KDM4B: variants seen among roughly 807,000 people sequenced by gnomAD.
The protein encoded by KDM4B is lysine demethylase 4B.
Under a neutral mutation model 125.2 loss-of-function variants are expected in KDM4B, and 32 were observed. The observed-to-expected ratio is 0.26, with a 90% confidence interval of 0.19 to 0.34. The LOEUF is 0.34. Ranked by LOEUF, KDM4B falls within the 10% of genes least tolerant of loss-of-function variation. The pLI is 1.00. For missense variants in KDM4B, 1,190 were observed against 1,577.7 expected, an observed-to-expected ratio of 0.75 and a Z score of 4.16; for synonymous variants, 721 against 677.9, an observed-to-expected ratio of 1.06 and a Z score of -0.99.
At chr19:5,084,868 C>T (rs1467081214) in intron 9 of KDM4B, among the ~76,000 whole-genome samples, 2 of 151,242 alleles carry the variant, frequency 1.3e-5, no homozygotes, top group African/African-American at 2.4e-5. Context: ...CCCCGCCCGC[C>T]GCCCCGGCCC....
chr19:5,137,470 G>T, intron 16 of KDM4B, 132 bp downstream of exon 16: 1 of 1,190,328 alleles, frequency 8.4e-7, no homozygotes, highest in South Asian at 1.3e-5. Context: ...TGAGGGGGTG[G>T]AACCCAAGGG....
chr19:5,050,627 G>A (rs1024231046), intron 6 of KDM4B, among the ~76,000 whole-genome samples: 1 of 152,204 alleles, frequency 6.6e-6, no homozygotes, highest in Non-Finnish European at 1.5e-5. Context: ...GGGGCCAGGC[G>A]CGGTGGTTTG....
chr19:5,056,882 GCTGGGGCGGGGAGTC>G (rs67145169), intron 6 of KDM4B, among the ~76,000 whole-genome samples: 56,254 of 143,500 alleles, frequency 0.39, 12,035 homozygotes, highest in East Asian at 0.86. Flanking sequence ...GGGCGGGGAC[GCTGGGGCGGGGAGTC>G]CTGGGGCGGG....
intron 1 of KDM4B, among the ~76,000 whole-genome samples, chr19:4,975,659 C>T (rs1378850470): frequency 1.3e-5 from 2 of 148,574 alleles, no homozygotes; most frequent in Admixed American, 1.3e-4. Flanking sequence ...GTGGGCTGAT[C>T]TCGGCTCACT....
At chr19:5,005,773 G>T (rs1032904723) in intron 1 of KDM4B, among the ~76,000 whole-genome samples, 3 of 152,172 alleles carry the variant, frequency 2.0e-5, no homozygotes, top group Non-Finnish European at 4.4e-5. Context: ...GGGGGAGAAG[G>T]TCCCCACCAT....
At chr19:5,092,502 C>T (rs1166535756) in intron 9 of KDM4B, among the ~76,000 whole-genome samples, 2 of 152,226 alleles carry the variant, frequency 1.3e-5, no homozygotes, top group East Asian at 3.9e-4. Flanking sequence ...GGGGGGGACA[C>T]ATCTCCCCAG....
intron 4 of KDM4B, among the ~76,000 whole-genome samples, chr19:5,040,671 C>T (rs1006316033): frequency 2.0e-5 from 3 of 152,224 alleles, no homozygotes; most frequent in Admixed American, 6.5e-5. Flanking sequence ...CCGTGCCCTC[C>T]TCTCTGTCTG....
intron 7 of KDM4B, chr19:5,077,050 C>T: frequency 2.8e-6 from 1 of 351,780 alleles, no homozygotes; most frequent in South Asian, 4.5e-5. Flanking sequence ...AGGCCCTTGG[C>T]TGCCCCTGCT....
At chr19:4,995,886 C>A (rs1374206104) in intron 1 of KDM4B, among the ~76,000 whole-genome samples, 1 of 152,180 alleles carries the variant, frequency 6.6e-6, no homozygotes, top group Non-Finnish European at 1.5e-5. Context: ...GCCGCGGTGT[C>A]ACGCGTAGAT....
At chr19:5,077,260 G>A (rs1006138823) in intron 7 of KDM4B, 107 bp from the exon 8 acceptor site, 5 of 896,248 alleles carry the variant, frequency 5.6e-6, no homozygotes, top group Admixed American at 2.0e-5. Context: ...GCTCCCACAC[G>A]CCCGCTCTCC....
chr19:5,119,298 T>TA, intron 10 of KDM4B: 1 of 1,015,730 alleles, frequency 9.8e-7, no homozygotes, highest in Non-Finnish European at 1.5e-6. Flanking sequence ...ACACTCCCTG[T>TA]GTCTCTGTCC....
Position 5,151,616 on chromosome 19 carries a change from A to T in KDM4B, c.*105A>T, listed in dbSNP as rs2039950135. The T allele has an allele frequency of 3.8e-6, 4 of 1,065,478 alleles. No individual in the cohort carries two copies. Among genetic ancestry groups the T allele is most frequent in the African/African-American group, 3.3e-5 (2 of 60,698 alleles). The allele number at this position is 1,065,478 out of a possible 1,614,324, so 66.0% of individuals were successfully genotyped here. Reference sequence around the variant, plus strand: ...TGTCCTCGTGTCCCCGACCCCCGAGAGGCCACCTCCAAGCCGCGGGTGCCC... The same window carrying T: ...TGTCCTCGTGTCCCCGACCCCCGAGTGGCCACCTCCAAGCCGCGGGTGCCC... On this transcript the variant is annotated 3_prime_UTR_variant, in exon 23 of 23. Coordinates refer to ENST00000159111, the MANE Select transcript of KDM4B (RefSeq NM_015015.3).
At chr19:4,982,958 A>G (rs990135413) in intron 1 of KDM4B, among the ~76,000 whole-genome samples, 1 of 152,114 alleles carries the variant, frequency 6.6e-6, no homozygotes, top group Non-Finnish European at 1.5e-5. Context: ...GAGGATGCAG[A>G]ACAAGCCCGT....
At chr19:5,059,031 C>T (rs2037498403) in intron 6 of KDM4B, among the ~76,000 whole-genome samples, 1 of 152,224 alleles carries the variant, frequency 6.6e-6, no homozygotes, top group Admixed American at 6.5e-5. Flanking sequence ...CTGTGCGTGC[C>T]CGCGGGTCCC....
chr19:5,060,284 C>G (rs145922022), intron 6 of KDM4B, among the ~76,000 whole-genome samples: 91 of 151,992 alleles, frequency 6.0e-4, no homozygotes, highest in African/African-American at 1.7e-3. Context: ...ATTAAAAATA[C>G]AAAAATTAGC....
chr19:5,147,492 C>A (rs891077194), intron 21 of KDM4B, among the ~76,000 whole-genome samples: 11 of 152,142 alleles, frequency 7.2e-5, no homozygotes, highest in African/African-American at 2.2e-4. Context: ...ATGCTGTGAT[C>A]GCAGCACTGT....
At chr19:5,032,616 C>T (rs1057499291) in intron 2 of KDM4B, among the ~76,000 whole-genome samples, 2 of 152,128 alleles carry the variant, frequency 1.3e-5, no homozygotes, top group Non-Finnish European at 2.9e-5. Flanking sequence ...CTCCCGGTGT[C>T]GCCTCGGCCT....
At chr19:5,037,611 G>A (rs547313904) in intron 3 of KDM4B, among the ~76,000 whole-genome samples, 2 of 152,280 alleles carry the variant, frequency 1.3e-5, no homozygotes, top group South Asian at 2.1e-4. Context: ...GCCTCATCTT[G>A]GTTTAACTCT....
chr19:5,088,651 C>A (rs1200096669), intron 9 of KDM4B, among the ~76,000 whole-genome samples: 4 of 136,938 alleles, frequency 2.9e-5, no homozygotes, highest in East Asian at 5.7e-4. Context: ...AGGGGACAGG[C>A]CAGGCCCCCC....
Sources: allele counts gnomAD v4.1 joint callset (sites outside exome capture counted in the v4.1 genomes callset), GRCh38; gene constraint gnomAD v4.1.1; transcripts MANE v1.5; gene names NCBI Gene and HGNC (gene_info 2026-07-23, HGNC 2026-07-21).